LRP1B: variants seen among roughly 807,000 people sequenced by gnomAD.
LRP1B encodes the protein LDL receptor related protein 1B, also known as low-density lipoprotein receptor-related protein 1B.
A neutral mutation model predicts 556.6 loss-of-function variants in LRP1B; 217 were observed. The ratio of observed to expected loss-of-function variants is 0.39; its 90% CI spans 0.35 to 0.44. The LOEUF (loss-of-function observed/expected upper bound fraction) is 0.44. LRP1B is among the 20% of genes least tolerant of loss of function. LRP1B has a pLI of 1.00. For missense variants in LRP1B, 5,053 were observed against 5,620.8 expected, an observed-to-expected ratio of 0.90 and a Z score of 3.23; for synonymous variants, 2,047 against 1,865.8, an observed-to-expected ratio of 1.10 and a Z score of -2.50.
In LRP1B at chr2:140,840,069, C is replaced by T. The variant is rs567734617; in HGVS notation, c.5131G>A (p.Asp1711Asn). The T allele has an allele frequency of 3.5e-5, 57 of 1,608,686 alleles. No homozygotes were observed. The highest frequency in any genetic ancestry group is 2.0e-4 in the South Asian group (18 of 90,510). The change falls in exon 31 of 91, where the codon GAT (aspartate) becomes AAT (asparagine). Residue 1711 changes from aspartate to asparagine, a missense_variant. By Grantham distance (23) the Asp-to-Asn change is conservative (BLOSUM62 1). Around this residue, in one of 5 missense-constraint regions of LRP1B, gnomAD observed 3,619 missense variants for 3,931.9 expected, o/e 0.92. Coordinates refer to ENST00000389484, the MANE Select transcript of LRP1B (RefSeq NM_018557.3). ...TTTGCCATGTTAATTGTGTTTCCAT[C>T]GGTCCAGTAGAGTTTTCTTAATTCA... is the stretch of plus-strand genomic sequence containing the variant. ...HPVRGKLYWTDGNTINMANMD... is the reference protein window; with the variant it reads ...HPVRGKLYWTNGNTINMANMD...
At chr2:140,515,888 C>CT (rs1324970884) in intron 50 of LRP1B, among the ~76,000 whole-genome samples, 2 of 151,952 alleles carry the variant, frequency 1.3e-5, no homozygotes, top group African/African-American at 2.4e-5. Flanking sequence ...CGTTTTTAAT[C>CT]TTTTTTCTAC....
intron 1 of LRP1B, among the ~76,000 whole-genome samples, chr2:142,016,529 G>A (rs1439605223): frequency 6.6e-6 from 1 of 151,992 alleles, no homozygotes; most frequent in Non-Finnish European, 1.5e-5. Flanking sequence ...ACCTTTGCAG[G>A]GACATGGATG....
At chr2:140,872,531 C>T (rs1383567699) in intron 25 of LRP1B, among the ~76,000 whole-genome samples, 1 of 151,642 alleles carries the variant, frequency 6.6e-6, no homozygotes, top group Non-Finnish European at 1.5e-5. Flanking sequence ...TAATTTTCCC[C>T]TTTTGGAGAC....
intron 3 of LRP1B, among the ~76,000 whole-genome samples, chr2:141,459,868 G>T (rs1486033749): frequency 6.6e-6 from 1 of 152,114 alleles, no homozygotes; most frequent in Admixed American, 6.6e-5. Context: ...TAATCCAGAA[G>T]GCATGGATAT....
chr2:140,791,140 G>A (rs1410427768), intron 32 of LRP1B, among the ~76,000 whole-genome samples: 2 of 152,052 alleles, frequency 1.3e-5, no homozygotes, highest in Non-Finnish European at 2.9e-5. Context: ...TGTAGTCCCA[G>A]CTACTCGGGA....
Position 141,350,325 on chromosome 2 carries a change from T to C in LRP1B, c.344-95684A>G, listed in dbSNP as rs548260753. ...GGGTTACCAAAATGAAGAAATGTGA[T>C]GTTTAGTGTGTTGTCAGGGCAGTGA... On this transcript the variant is annotated intron_variant, in intron 3 of 90. Coordinates refer to ENST00000389484, the MANE Select transcript of LRP1B (RefSeq NM_018557.3). Among the ~76,000 whole-genome samples the C allele has an allele frequency of 4.4e-4, 67 of 152,034 alleles. 1 individual carries two copies. Among genetic ancestry groups the C allele is most frequent in the Middle Eastern group, 3.4e-3 (1 of 294 alleles).
At chr2:140,451,956 A>G (rs1393568855) in intron 62 of LRP1B, among the ~76,000 whole-genome samples, 1 of 152,128 alleles carries the variant, frequency 6.6e-6, no homozygotes, top group Non-Finnish European at 1.5e-5. Flanking sequence ...TAATTCTATT[A>G]TTTACAGAAA....
At chr2:141,680,952 T>G (rs1328658190) in intron 2 of LRP1B, among the ~76,000 whole-genome samples, 3 of 152,154 alleles carry the variant, frequency 2.0e-5, no homozygotes, top group African/African-American at 7.2e-5. Context: ...CGTTGCATTT[T>G]GCCACAAACT....
chr2:141,906,055 A>G (rs1699751941), intron 1 of LRP1B, among the ~76,000 whole-genome samples: 1 of 151,142 alleles, frequency 6.6e-6, no homozygotes, highest in African/African-American at 2.4e-5. Context: ...TAAAAGGACT[A>G]GACAAGTGGG....
At chr2:141,029,651 G>A (rs1010226019) in intron 11 of LRP1B, among the ~76,000 whole-genome samples, 2 of 152,072 alleles carry the variant, frequency 1.3e-5, no homozygotes, top group Non-Finnish European at 2.9e-5. Flanking sequence ...ATTCATCCAG[G>A]CCTATCATGT....
chr2:141,015,666 G>A (rs1697880068), intron 13 of LRP1B, 30 bp downstream of exon 13: 7 of 1,522,920 alleles, frequency 4.6e-6, no homozygotes, highest in Non-Finnish European at 6.4e-6. Flanking sequence ...AGAAGCCTGT[G>A]GGTTAAAAAC....
At chr2:141,993,882 T>G (rs990898673) in intron 1 of LRP1B, among the ~76,000 whole-genome samples, 4 of 150,114 alleles carry the variant, frequency 2.7e-5, no homozygotes, top group Non-Finnish European at 4.4e-5. Context: ...CCAAATGCTC[T>G]TGTATCCACA....
chr2:140,584,948 T>A (rs1222504785), intron 43 of LRP1B, among the ~76,000 whole-genome samples: 1 of 152,098 alleles, frequency 6.6e-6, no homozygotes, highest in Non-Finnish European at 1.5e-5. Context: ...GTCTTTTAGT[T>A]TATTTACTCG....
intron 3 of LRP1B, among the ~76,000 whole-genome samples, chr2:141,377,461 G>T (rs1443747558): frequency 6.6e-6 from 1 of 151,874 alleles, no homozygotes; most frequent in Non-Finnish European, 1.5e-5. Flanking sequence ...TTAAAGACAG[G>T]TTCTAATTTA....
chr2:140,486,056 G>C (rs147432387), intron 58 of LRP1B, among the ~76,000 whole-genome samples: 3 of 151,942 alleles, frequency 2.0e-5, no homozygotes, highest in African/African-American at 7.2e-5. Flanking sequence ...TACACATTCA[G>C]CTGCTGTTAT....
At chr2:141,048,575 G>C (rs1698946261) in intron 11 of LRP1B, among the ~76,000 whole-genome samples, 1 of 152,004 alleles carries the variant, frequency 6.6e-6, no homozygotes, top group Non-Finnish European at 1.5e-5. Flanking sequence ...ATGACAATGT[G>C]GACATTGATA....
intron 7 of LRP1B, among the ~76,000 whole-genome samples, chr2:141,093,998 T>G (rs924904461): frequency 1.3e-5 from 2 of 152,146 alleles, no homozygotes; most frequent in Non-Finnish European, 2.9e-5. Flanking sequence ...ATTACAGATA[T>G]GAGCCACCAT....
intron 41 of LRP1B, among the ~76,000 whole-genome samples, chr2:140,659,988 AG>A (rs749510932): frequency 6.6e-6 from 1 of 152,076 alleles, no homozygotes; most frequent in Non-Finnish European, 1.5e-5. Context: ...AGGCAATATT[AG>A]GAGAAAAATG....
chr2:141,333,537 A>G (rs997818099), intron 3 of LRP1B, among the ~76,000 whole-genome samples: 1 of 152,210 alleles, frequency 6.6e-6, no homozygotes, highest in Admixed American at 6.5e-5. Context: ...GATAACAGTA[A>G]AAATGGTAGC....
Sources: gnomAD v4.1 joint callset for allele counts (sites outside exome capture counted in the v4.1 genomes callset) on GRCh38, gnomAD v4.1.1 for gene constraint, gnomAD v4.1.1 regional missense constraint, MANE v1.5 for transcripts, NCBI Gene and HGNC (gene_info 2026-07-23, HGNC 2026-07-21) for gene names.